The following RBMS1 variants were observed in gnomAD, a reference collection of about 807,000 sequenced individuals.
RBMS1 encodes RNA-binding motif, single-stranded-interacting protein 1.
Under a neutral mutation model 62.3 loss-of-function variants are expected in RBMS1, and 17 were observed. The observed-to-expected ratio is 0.27, with a 90% CI of 0.19 to 0.41. The LOEUF is 0.41. Ranked by LOEUF, RBMS1 falls within the 10% of genes least tolerant of loss-of-function variation. The probability of loss-of-function intolerance (pLI) is 1.00; values close to 1 mark genes in which losing one functional copy is unlikely to be tolerated. For missense variants in RBMS1, 334 were observed against 504.5 expected (o/e 0.66, Z 3.24); for synonymous variants, 172 against 170.0 (o/e 1.01, Z -0.09).
chr2:160,421,267 G>C (rs887683148), intron 1 of RBMS1, among the ~76,000 whole-genome samples: 1 of 151,784 alleles, frequency 6.6e-6, no homozygotes, highest in African/African-American at 2.4e-5. Context: ...TTTAACATTA[G>C]GTAGATCTCC....
At chr2:160,382,343 C>A (rs2105190982) in intron 1 of RBMS1, among the ~76,000 whole-genome samples, 1 of 152,272 alleles carries the variant, frequency 6.6e-6, no homozygotes, top group Middle Eastern at 3.4e-3. Context: ...CCTCTCCAGA[C>A]TAAAGCATCT....
intron 1 of RBMS1, among the ~76,000 whole-genome samples, chr2:160,375,902 A>G (rs577481800): frequency 6.6e-6 from 1 of 151,952 alleles, no homozygotes; most frequent in African/African-American, 2.4e-5. Context: ...AATGGAAAAA[A>G]AAAAAAAAAG....
At chr2:160,363,737 G>T (rs1031102421) in intron 2 of RBMS1, among the ~76,000 whole-genome samples, 11 of 152,174 alleles carry the variant, frequency 7.2e-5, no homozygotes, top group African/African-American at 2.7e-4. Flanking sequence ...TTTTGAATTT[G>T]AGGTTGAGTA....
chr2:160,486,107 C>T (rs1012269820), intron 1 of RBMS1, among the ~76,000 whole-genome samples: 8 of 152,072 alleles, frequency 5.3e-5, no homozygotes, highest in African/African-American at 1.9e-4. Context: ...TGTAATTCTA[C>T]TGGTAAGGGA....
intron 1 of RBMS1, among the ~76,000 whole-genome samples, chr2:160,430,200 A>G (rs1337951762): frequency 6.6e-6 from 1 of 152,214 alleles, no homozygotes; most frequent in Non-Finnish European, 1.5e-5. Context: ...CACCCAGCTG[A>G]TCCCAGCCAA....
chr2:160,434,292 C>T (rs1683026198), intron 1 of RBMS1, among the ~76,000 whole-genome samples: 1 of 152,182 alleles, frequency 6.6e-6, no homozygotes, highest in Admixed American at 6.5e-5. Context: ...ACAACTACTG[C>T]TTTGGGCAAT....
chr2:160,367,475 T>C (rs1165841756), intron 1 of RBMS1, 84 bp from the exon 2 acceptor site: 3 of 1,564,450 alleles, frequency 1.9e-6, no homozygotes, highest in Non-Finnish European at 2.6e-6. Context: ...GATTTAAATA[T>C]AGATTACTTT....
chr2:160,483,364 A>C (rs1465904789), intron 1 of RBMS1, among the ~76,000 whole-genome samples: 2 of 152,242 alleles, frequency 1.3e-5, no homozygotes, highest in African/African-American at 4.8e-5. Flanking sequence ...TTAGGAGTAT[A>C]CATTTATCAT....
intron 1 of RBMS1, among the ~76,000 whole-genome samples, chr2:160,485,377 T>C (rs1191679103): frequency 6.6e-6 from 1 of 152,192 alleles, no homozygotes; most frequent in Admixed American, 6.5e-5. Flanking sequence ...AAAGACGAGT[T>C]CCTGGAAATC....
chr2:160,409,150 T>C (rs933561993), intron 1 of RBMS1, among the ~76,000 whole-genome samples: 42 of 152,158 alleles, frequency 2.8e-4, no homozygotes, highest in African/African-American at 9.9e-4. Flanking sequence ...ATCCTAGATA[T>C]CCTGCTGGTG....
At chr2:160,374,215 A>G (rs1483598205) in intron 1 of RBMS1, among the ~76,000 whole-genome samples, 1 of 152,212 alleles carries the variant, frequency 6.6e-6, no homozygotes, top group Non-Finnish European at 1.5e-5. Flanking sequence ...TGATTGTGCC[A>G]CTGCACTCCA....
intron 1 of RBMS1, among the ~76,000 whole-genome samples, chr2:160,412,702 T>C (rs1574027527): frequency 6.6e-6 from 1 of 152,184 alleles, no homozygotes; most frequent in East Asian, 1.9e-4. Flanking sequence ...GAGAGATCAA[T>C]ATTGGATATA....
At chr2:160,493,268 C>A (rs376909504) in intron 1 of RBMS1, 21 bp downstream of exon 1, 6 of 1,611,158 alleles carry the variant, frequency 3.7e-6, no homozygotes, top group Admixed American at 3.3e-5. Context: ...CGGCCGTCAC[C>A]TCTCCCCGGC....
Position 160,423,201 on chromosome 2 carries a change from T to TTTTTC in RBMS1, c.76-55815_76-55811dup, listed in dbSNP as rs529942161. On this transcript the variant is annotated intron_variant, in intron 1 of 13. Transcript: ENST00000348849. Reference sequence around the variant, plus strand: ...ATACCAGTTTGATTGCTTGCTTTTCTTTTTCTTTTCTTTTCTTTTTTTCTT... The same window carrying TTTTTC: ...ATACCAGTTTGATTGCTTGCTTTTCTTTTTCTTTTCTTTTCTTTTCTTTTTTTCTT... Among the ~76,000 whole-genome samples, 4 of 152,214 alleles carry TTTTTC rather than the reference T, an allele frequency of 2.6e-5. No homozygotes were observed. In the South Asian group the frequency reaches 6.2e-4, roughly 24 times the overall value.
chr2:160,426,265 GAAAGAAAGAAAGAAAGAAAGAAAGA>G (rs1682582668), intron 1 of RBMS1, among the ~76,000 whole-genome samples: 1 of 118,356 alleles, frequency 8.4e-6, no homozygotes. Context: ...AAGAAAGAAA[GAAAGAAAGAAAGAAAGAAAGAAAGA>G]AAAGAAAGAA....
At chr2:160,340,084 T>C (rs1057467874) in intron 2 of RBMS1, among the ~76,000 whole-genome samples, 1 of 152,236 alleles carries the variant, frequency 6.6e-6, no homozygotes, top group African/African-American at 2.4e-5. Context: ...ATGGTATTAC[T>C]TTTTGATTCT....
intron 1 of RBMS1, among the ~76,000 whole-genome samples, chr2:160,455,788 A>C (rs905154996): frequency 6.9e-6 from 1 of 144,676 alleles, no homozygotes; most frequent in East Asian, 2.0e-4. Flanking sequence ...GGTTCACGCC[A>C]TTCTCCTGCC....
chr2:160,480,985 G>A (rs971053867), intron 1 of RBMS1, among the ~76,000 whole-genome samples: 3 of 151,390 alleles, frequency 2.0e-5, no homozygotes, highest in Non-Finnish European at 4.4e-5. Context: ...AGAGGCTGAG[G>A]CATGAGAATT....
chr2:160,466,669 T>C (rs1684707194), intron 1 of RBMS1, among the ~76,000 whole-genome samples: 2 of 152,258 alleles, frequency 1.3e-5, no homozygotes, highest in Non-Finnish European at 1.5e-5. Flanking sequence ...TATCTGCTTT[T>C]AGTTGACTTC....
Sources: allele counts gnomAD v4.1 joint callset (sites outside exome capture counted in the v4.1 genomes callset), GRCh38; gene constraint gnomAD v4.1.1; transcripts MANE v1.5; gene names NCBI Gene and HGNC (gene_info 2026-07-23, HGNC 2026-07-21).